Variants in ITCH observed in about 807,000 individuals in gnomAD.
The protein encoded by ITCH is E3 ubiquitin-protein ligase Itchy homolog.
ITCH carries 28 observed loss-of-function variants against 126.8 expected under a neutral mutation model. The observed-to-expected ratio is 0.22, with a 90% CI of 0.16 to 0.30. The LOEUF is 0.30. ITCH is among the 10% of genes least tolerant of loss of function. ITCH has a pLI of 1.00. For missense variants in ITCH, 631 were observed against 1,032.4 expected (o/e 0.61, Z 5.33); for synonymous variants, 342 against 340.0 (o/e 1.01, Z -0.06).
intron 3 of ITCH, among the ~76,000 whole-genome samples, chr20:34,400,526 T>A (rs1014338517): frequency 6.6e-5 from 10 of 152,048 alleles, no homozygotes; most frequent in African/African-American, 2.4e-4. Context: ...GCTGTGTCTT[T>A]CAGGTGTGCC....
intron 9 of ITCH, 26 bp from the exon 10 acceptor site, chr20:34,442,182 A>T: frequency 6.4e-7 from 1 of 1,557,226 alleles, no homozygotes; most frequent in Non-Finnish European, 8.9e-7. Flanking sequence ...CAAGTATTTT[A>T]CCAGCCTTTT....
chr20:34,367,175 T>C (rs1257012434), intron 1 of ITCH, among the ~76,000 whole-genome samples: 2 of 152,018 alleles, frequency 1.3e-5, no homozygotes, highest in Non-Finnish European at 2.9e-5. Flanking sequence ...GAACTTGAAG[T>C]TTGTTATTGT....
At chr20:34,394,209 CAA>C (rs59876098) in intron 3 of ITCH, among the ~76,000 whole-genome samples, 10 of 62,914 alleles carry the variant, frequency 1.6e-4, no homozygotes, top group Non-Finnish European at 3.2e-4. Flanking sequence ...GAGACTGTCT[CAA>C]AAAAAAAAAA....
At chr20:34,490,406 C>T (rs111796872) in intron 22 of ITCH, among the ~76,000 whole-genome samples, 2,079 of 152,260 alleles carry the variant, frequency 0.014, 25 homozygotes, top group Non-Finnish European at 0.022. Context: ...TGCGGTGGCT[C>T]ACACCTGTAA....
chr20:34,466,489 C>A, intron 14 of ITCH: 1 of 474,190 alleles, frequency 2.1e-6, no homozygotes, highest in Non-Finnish European at 4.1e-6. Flanking sequence ...AAAATCAGGC[C>A]AATTTGGTAT....
At position 34,384,770 on chromosome 20, in the gene ITCH, C is replaced by T. The variant is rs546507681; in HGVS notation, c.-21-9021C>T. Among the ~76,000 whole-genome samples, 14 of 151,286 alleles carry T rather than the reference C, an allele frequency of 9.3e-5. No individual in the cohort carries two copies. In the East Asian group the frequency reaches 2.5e-3, roughly 27 times the overall value. ...CTGCCTCCCGGGTTCTTGCCATTCT[C>T]CTGCCTCAGCCTCCCAAGTACCTGG... On this transcript the variant is annotated intron_variant, in intron 2 of 24. Transcript: ENST00000374864.
chr20:34,437,755 T>A (rs990524833), intron 7 of ITCH, among the ~76,000 whole-genome samples: 9 of 152,236 alleles, frequency 5.9e-5, no homozygotes, highest in African/African-American at 1.7e-4. Flanking sequence ...ATGCCCTTGT[T>A]TCTAATCTAT....
At chr20:34,467,771 G>A (rs186379621) in intron 14 of ITCH, among the ~76,000 whole-genome samples, 10 of 134,610 alleles carry the variant, frequency 7.4e-5, no homozygotes, top group African/African-American at 2.3e-4. Flanking sequence ...CCGCAACCTC[G>A]GCCTCCCTGG....
intron 13 of ITCH, among the ~76,000 whole-genome samples, chr20:34,460,536 A>G (rs974883507): frequency 1.3e-5 from 2 of 152,032 alleles, no homozygotes; most frequent in African/African-American, 2.4e-5. Flanking sequence ...AGTAATAACA[A>G]TTACAACTTG....
At chr20:34,427,964 C>T (rs151251242) in intron 7 of ITCH, among the ~76,000 whole-genome samples, 1 of 152,306 alleles carries the variant, frequency 6.6e-6, no homozygotes, top group African/African-American at 2.4e-5. Flanking sequence ...ATTGCTGGAT[C>T]CCCTACTTAA....
chr20:34,475,522 G>A (rs1988119184), intron 16 of ITCH, among the ~76,000 whole-genome samples: 1 of 152,214 alleles, frequency 6.6e-6, no homozygotes, highest in Non-Finnish European at 1.5e-5. Context: ...AGGCGTGGCG[G>A]CGCGTGCCTG....
chr20:34,426,964 C>T (rs901882046), intron 7 of ITCH, among the ~76,000 whole-genome samples: 6 of 151,432 alleles, frequency 4.0e-5, no homozygotes, highest in Admixed American at 3.3e-4. Flanking sequence ...TTAGTAGAGA[C>T]GGGGTTTCAC....
chr20:34,485,036 A>G (rs901326144), intron 20 of ITCH, among the ~76,000 whole-genome samples: 1 of 152,148 alleles, frequency 6.6e-6, no homozygotes, highest in Non-Finnish European at 1.5e-5. Flanking sequence ...GAAATCATAG[A>G]GTATGTACTC....
chr20:34,406,762 C>T (rs1254956765), intron 3 of ITCH, among the ~76,000 whole-genome samples: 4 of 152,102 alleles, frequency 2.6e-5, no homozygotes, highest in Admixed American at 6.5e-5. Flanking sequence ...TCTCGATCTC[C>T]TGACCTCGTG....
intron 2 of ITCH, among the ~76,000 whole-genome samples, chr20:34,381,512 C>T (rs1293208316): frequency 6.6e-6 from 1 of 152,010 alleles, no homozygotes. Flanking sequence ...CCGCAACCTC[C>T]GCCTCCTGGG....
intron 7 of ITCH, among the ~76,000 whole-genome samples, chr20:34,430,435 T>A (rs1568931943): frequency 6.6e-6 from 1 of 152,078 alleles, no homozygotes; most frequent in Non-Finnish European, 1.5e-5. Flanking sequence ...TTTTTTTTTT[T>A]AAAGGAAAGG....
intron 12 of ITCH, among the ~76,000 whole-genome samples, chr20:34,454,869 G>A (rs1464390151): frequency 1.9e-4 from 23 of 117,966 alleles, no homozygotes; most frequent in African/African-American, 6.2e-4. Flanking sequence ...TGCTCTTGTC[G>A]CCCAGGCTGG....
At chr20:34,388,913 A>G (rs939601245) in intron 2 of ITCH, among the ~76,000 whole-genome samples, 1 of 152,206 alleles carries the variant, frequency 6.6e-6, no homozygotes, top group Non-Finnish European at 1.5e-5. Flanking sequence ...CTTATAACAG[A>G]AAACAAGAGA....
At chr20:34,391,786 A>T (rs922329920) in intron 2 of ITCH, among the ~76,000 whole-genome samples, 14 of 152,124 alleles carry the variant, frequency 9.2e-5, no homozygotes, top group Non-Finnish European at 1.8e-4. Context: ...TGTTCTTAAA[A>T]ATGTTTGCAG....
Sources: gnomAD v4.1 joint callset for allele counts (sites outside exome capture counted in the v4.1 genomes callset) on GRCh38, gnomAD v4.1.1 for gene constraint, MANE v1.5 for transcripts, NCBI Gene and HGNC (gene_info 2026-07-23, HGNC 2026-07-21) for gene names.